Variants in AR observed in about 807,000 individuals in gnomAD.
The protein encoded by AR is androgen receptor.
A neutral mutation model predicts 53.9 loss-of-function variants in AR; 8 were observed. The observed-to-expected ratio is 0.15, with a 90% confidence interval of 0.09 to 0.27. The LOEUF is 0.27. Ranked by LOEUF, AR falls within the 10% of genes least tolerant of loss-of-function variation. The pLI, the probability that AR is intolerant of heterozygous loss-of-function variation, is 1.00. For missense variants in AR, 639 were observed against 742.5 expected, an observed-to-expected ratio of 0.86 and a Z score of 1.62; for synonymous variants, 359 against 316.4, an observed-to-expected ratio of 1.13 and a Z score of -1.43.
intron 2 of AR, among the ~76,000 whole-genome samples, chrX:67,661,782 G>A (rs1862298208): frequency 9.0e-6 from 1 of 111,453 alleles, no homozygotes; most frequent in South Asian, 3.8e-4. Context: ...GCTCCTCCTT[G>A]TACCTCTGGT....
At chrX:67,640,572 T>G (rs1925700568) in intron 1 of AR, among the ~76,000 whole-genome samples, 1 of 111,306 alleles carries the variant, frequency 9.0e-6, no homozygotes, top group Non-Finnish European at 1.9e-5. Flanking sequence ...GGAATTTATC[T>G]ATTTCTTCTA....
chrX:67,671,949 G>A (rs765956183), intron 2 of AR, among the ~76,000 whole-genome samples: 2 of 111,267 alleles, frequency 1.8e-5, no homozygotes, highest in East Asian at 2.8e-4. Flanking sequence ...TCTGTTCCAC[G>A]TGTCTATATC....
rs1015663774 is a variant in AR, at chrX:67,729,074, C to G, written c.*5233C>G. On this transcript the variant is annotated 3_prime_UTR_variant, in exon 8 of 8. Transcript: ENST00000374690. ...CAGTTTCCTGCATTGGAACCTGGAG[C>G]AAGCGCTCTATCTTTCACACAAATT... 5.7e-6 allele frequency: 1 copy of G among 174,555 alleles called. No homozygotes were observed. The highest frequency in any genetic ancestry group is 2.9e-5 in the African/African-American group (1 of 34,089). The allele number at this position is 174,555 out of a possible 1,213,427, so 14.4% of individuals were successfully genotyped here.
chrX:67,727,492 C>T lies in AR; in HGVS notation c.*3651C>T, dbSNP rs773199241. ...CTTGTACTTTAAGAGAAAATATGTC[C>T]ACCATCCACATGATGCACAAATGAG... is the stretch of plus-strand genomic sequence containing the variant. On this transcript the variant is annotated 3_prime_UTR_variant, in exon 8 of 8. Coordinates refer to ENST00000374690, the MANE Select transcript of AR (RefSeq NM_000044.6). 12 of 170,999 alleles carry T rather than the reference C, an allele frequency of 7.0e-5. No individual in the cohort carries two copies. Among genetic ancestry groups the T allele is most frequent in the Non-Finnish European group, 1.2e-4 (11 of 89,361 alleles). The allele number at this position is 170,999 out of a possible 1,213,427, so 14.1% of individuals were successfully genotyped here.
At chrX:67,717,700 T>C in intron 5 of AR, 78 bp downstream of exon 5, 1 of 1,159,706 alleles carries the variant, frequency 8.6e-7, no homozygotes, top group Non-Finnish European at 1.2e-6. Context: ...GGTGATGGGG[T>C]GACAGTGAAG....
At chrX:67,647,226 A>G (rs1414124225) in intron 2 of AR, among the ~76,000 whole-genome samples, 1 of 111,856 alleles carries the variant, frequency 8.9e-6, no homozygotes, top group Non-Finnish European at 1.9e-5. Context: ...TAAAATTGAA[A>G]CTGTAGTTTA....
chrX:67,643,549 A>T (rs1925899658), intron 2 of AR, 142 bp downstream of exon 2: 2 of 882,754 alleles, frequency 2.3e-6, no homozygotes, highest in Non-Finnish European at 3.1e-6. Flanking sequence ...TAGGAGCCTA[A>T]GGAAGCAAAT....
rs1468310714 is a variant in AR at position 67,728,574 on chromosome X, A to AAAATAT, written c.*4734_*4735insAATATA. The AAAATAT allele has an allele frequency of 3.4e-5, 1 of 29,775 alleles. No homozygotes were observed. Among genetic ancestry groups the AAAATAT allele is most frequent in the East Asian group, 1.4e-3 (1 of 737 alleles). 2.5% of individuals were successfully genotyped at this position (29,775 alleles called of 1,213,427 possible). A position where few individuals can be genotyped will look rare whatever the true frequency, so the allele number is the denominator to read the frequency against. On this transcript the variant is annotated 3_prime_UTR_variant, in exon 8 of 8. Coordinates refer to ENST00000374690, the MANE Select transcript of AR (RefSeq NM_000044.6). ...ATTTGTATCCATGTTTCAAAATTGAAATATATATATATATATATATATATA... is the reference window on the plus strand; with the variant it reads ...ATTTGTATCCATGTTTCAAAATTGAAAAATATATATATATATATATATATATATATA...
chrX:67,723,520 A>AACACACACACAC (rs113528927), intron 7 of AR, among the ~76,000 whole-genome samples, 166 bp from the exon 8 acceptor site: 107 of 93,140 alleles, frequency 1.1e-3, no homozygotes, highest in Middle Eastern at 5.5e-3. Context: ...GTCTCTCTCT[A>AACACACACACAC]ACACACACAC....
chrX:67,670,020 A>G (rs2075853736), intron 2 of AR, among the ~76,000 whole-genome samples: 1 of 99,940 alleles, frequency 1.0e-5, no homozygotes, highest in Non-Finnish European at 2.0e-5. Context: ...AATAAGAACA[A>G]TTATTATTTT....
At chrX:67,704,366 T>C (rs2147516445) in intron 3 of AR, among the ~76,000 whole-genome samples, 1 of 112,437 alleles carries the variant, frequency 8.9e-6, no homozygotes, top group East Asian at 2.8e-4. Flanking sequence ...TATCTCATTG[T>C]GGTTTTGATT....
intron 1 of AR, among the ~76,000 whole-genome samples, chrX:67,630,595 T>C (rs2147413541): frequency 9.0e-6 from 1 of 111,475 alleles, no homozygotes; most frequent in African/African-American, 3.3e-5. Context: ...CTTTATCCAA[T>C]TTGCCAGTCT....
At position 67,720,999 on chromosome X, in the gene AR, G is replaced by A. The variant is rs3795188; in HGVS notation, c.2319-834G>A. ...GTATGCCATGGTCAGCCATGGAACC[G>A]AGAGGTTGCTCTTCCTTGAAAAGCT... is the stretch of plus-strand genomic sequence containing the variant. On this transcript the variant is annotated intron_variant, in intron 5 of 7. Transcript: ENST00000374690. 9.8e-5 allele frequency among the ~76,000 whole-genome samples: 11 copies of A among 111,731 alleles called. No individual in the cohort carries two copies. In the East Asian group the frequency reaches 3.1e-3, roughly 32 times the overall value.
At chrX:67,695,569 G>C in intron 3 of AR, 2 of 753,900 alleles carry the variant, frequency 2.7e-6, no homozygotes, top group Non-Finnish European at 3.1e-6. Context: ...ATCACTTAGA[G>C]TTTGGAATAT....
intron 1 of AR, among the ~76,000 whole-genome samples, chrX:67,641,280 T>C (rs1294780859): frequency 8.9e-6 from 1 of 111,840 alleles, no homozygotes; most frequent in East Asian, 2.8e-4. Context: ...CACAGCTACC[T>C]GGTAGGTTGT....
chrX:67,663,534 C>G (rs1301249620), intron 2 of AR, among the ~76,000 whole-genome samples: 1 of 112,234 alleles, frequency 8.9e-6, no homozygotes, highest in East Asian at 2.8e-4. Flanking sequence ...GGAACCTGAC[C>G]TGTTTCTCTG....
intron 2 of AR, 29 bp from the exon 3 acceptor site, chrX:67,685,981 T>C (rs374117482): frequency 1.5e-5 from 18 of 1,207,816 alleles, no homozygotes; most frequent in Middle Eastern, 2.3e-4. Context: ...CATTATCAGG[T>C]CTATCAACTC....
intron 1 of AR, among the ~76,000 whole-genome samples, chrX:67,601,359 T>C (rs1317453822): frequency 8.9e-6 from 1 of 111,853 alleles, no homozygotes; most frequent in African/African-American, 3.2e-5. Flanking sequence ...TAATTTTATG[T>C]CTCCCAAGGA....
rs183933926 is a variant in AR at position 67,682,382 on chromosome X, A to G, written c.1769-3628A>G. The stretch of plus-strand genomic sequence containing the variant: ...TTACTTCAGCCACGACCTCCCAGGC[A>G]TAAAGGATCCTAGCCCCTCAGCCTC... On this transcript the variant is annotated intron_variant, in intron 2 of 7. Transcript: ENST00000374690. 1.4e-3 allele frequency among the ~76,000 whole-genome samples: 159 copies of G among 111,350 alleles called. 1 individual carries two copies. Among genetic ancestry groups the G allele is most frequent in the African/African-American group, 5.0e-3 (154 of 30,696 alleles).
Sources: gnomAD v4.1 joint callset for allele counts (sites outside exome capture counted in the v4.1 genomes callset) on GRCh38, gnomAD v4.1.1 for gene constraint, MANE v1.5 for transcripts, NCBI Gene and HGNC (gene_info 2026-07-23, HGNC 2026-07-21) for gene names.